The following CRAT variants were observed in gnomAD, a reference collection of about 807,000 sequenced individuals.
CRAT encodes carnitine O-acetyltransferase, also known as carnitine acetylase.
In CRAT, 66 loss-of-function variants were observed where a neutral mutation model predicts 73.7. The observed-to-expected ratio is 0.90, with a 90% CI of 0.73 to 1.10. The LOEUF is 1.10. Among genes scored for constraint, CRAT ranks in the 50% least tolerant of loss-of-function variants. CRAT has a pLI of 0.00. For synonymous variants in CRAT, 321 were observed against 343.2 expected, an observed-to-expected ratio of 0.94 and a Z score of 0.71; for missense variants, 745 against 846.9, an observed-to-expected ratio of 0.88 and a Z score of 1.49.
chr9:129,100,157 G>A (rs183632027), intron 7 of CRAT, 191 bp from the exon 8 acceptor site: 7 of 588,214 alleles, frequency 1.2e-5, no homozygotes, highest in East Asian at 8.4e-5. Context: ...CACGCTCAGC[G>A]TGCCTGACTG....
chr9:129,109,343 G>A, intron 1 of CRAT: 2 of 1,194,544 alleles, frequency 1.7e-6, no homozygotes, highest in South Asian at 2.5e-5. Flanking sequence ...GGGACAGCCA[G>A]AAGCCCTGCC....
At chr9:129,108,418 G>A in intron 1 of CRAT, 2 of 1,173,524 alleles carry the variant, frequency 1.7e-6, no homozygotes, top group African/African-American at 3.2e-5. Context: ...CCTGGAAGAG[G>A]AGCCAGCCAG....
chr9:129,097,650 A>C (rs937888558), intron 11 of CRAT, among the ~76,000 whole-genome samples: 2 of 151,944 alleles, frequency 1.3e-5, no homozygotes, highest in African/African-American at 4.8e-5. Context: ...TGGAGGTTGC[A>C]GTGAGTCGAG....
chr9:129,097,318 G>C lies in CRAT; in HGVS notation c.1465-6C>G, dbSNP rs1847344926. On this transcript the variant is annotated splice_polypyrimidine_tract_variant and splice_region_variant and intron_variant, in intron 11 of 13. Transcript: ENST00000318080. ...AGCTCCACCTTCTGGTGCTCCTAGA[G>C]TGGTGAGGGTCAGAGGGAGCTGAAG... 1 of 1,563,658 alleles carries C rather than the reference G, an allele frequency of 6.4e-7. No individual in the cohort carries two copies. The highest frequency in any genetic ancestry group is 1.3e-5 in the African/African-American group (1 of 74,250).
intron 4 of CRAT, 113 bp downstream of exon 4, chr9:129,102,900 G>T: frequency 2.0e-6 from 2 of 996,426 alleles, no homozygotes; most frequent in Non-Finnish European, 3.2e-6. Context: ...AGCAGCTGGA[G>T]CAGGGCCCAG....
At chr9:129,098,219 C>T in intron 10 of CRAT, 30 bp downstream of exon 10, 1 of 1,613,246 alleles carries the variant, frequency 6.2e-7, no homozygotes, top group Non-Finnish European at 8.5e-7. Flanking sequence ...GGTCTCCTCC[C>T]TCCTCCATGG....
At chr9:129,102,606 G>C in intron 4 of CRAT, 41 bp from the exon 5 acceptor site, 1 of 1,607,566 alleles carries the variant, frequency 6.2e-7, no homozygotes. Context: ...CTGGGCAAGT[G>C]AATGGGGAGG....
Position 129,098,094 on chromosome 9 carries a change from G to A in CRAT, c.1383C>T (p.His461=). The change falls in exon 11 of 14, where the codon CAC becomes CAT. Residue 461 remains histidine, a synonymous_variant. Transcript: ENST00000318080. ...AGCGGATGGTGTCGGTGCGGCCCAG[G>A]TGAAACATGCGCAGGGAGGCACTTT... is the stretch of plus-strand genomic sequence containing the variant. ...TYESASLRMF[H]LGRTDTIRSA... The A allele has an allele frequency of 1.2e-6, 2 of 1,614,054 alleles. No individual in the cohort carries two copies. The highest frequency in any genetic ancestry group is 1.6e-4 in the Middle Eastern group (1 of 6,062).
chr9:129,097,155 T>G, intron 12 of CRAT, 95 bp downstream of exon 12: 2 of 1,104,758 alleles, frequency 1.8e-6, no homozygotes, highest in Non-Finnish European at 2.6e-6. Context: ...TAGCAAAGGG[T>G]TGGCAGCCAT....
intron 2 of CRAT, 87 bp from the exon 3 acceptor site, chr9:129,104,393 C>T: frequency 9.9e-7 from 1 of 1,006,152 alleles, no homozygotes; most frequent in African/African-American, 1.6e-5. Context: ...GGCTGGCCCC[C>T]ATGCCCTCTA....
chr9:129,106,683 C>T lies in CRAT; in HGVS notation c.291+1131G>A, dbSNP rs1204129904. The stretch of plus-strand genomic sequence containing the variant: ...CCTGACGCGTCTCAGCAAATGTTGA[C>T]AACTCCCACCTCCTGTGTGCAGCCC... On this transcript the variant is annotated intron_variant, in intron 2 of 13. Transcript: ENST00000318080. This position sits in a 1 kb window ranked among gnomAD's most constrained non-coding sequence, Gnocchi z 4.0. Among the ~76,000 whole-genome samples the T allele has an allele frequency of 6.6e-6, 1 of 152,188 alleles. No homozygotes were observed. Among genetic ancestry groups the T allele is most frequent in the Non-Finnish European group, 1.5e-5 (1 of 68,026 alleles).
chr9:129,096,247 A>C, intron 12 of CRAT, 112 bp from the exon 13 acceptor site: 1 of 1,350,514 alleles, frequency 7.4e-7, no homozygotes, highest in Non-Finnish European at 1.0e-6. Context: ...ACTCAAAACC[A>C]CAAGACCAGA....
chr9:129,109,454 G>T lies in CRAT; in HGVS notation c.27+1029C>A, dbSNP rs1848242537. On this transcript the variant is annotated intron_variant, in intron 1 of 13. Coordinates refer to ENST00000318080, the MANE Select transcript of CRAT (RefSeq NM_000755.5). ...TGTGGCTCATTCAGCTAGGGTCCAA[G>T]AGCGGAGGACTTTTGGTATGAAAAA... is the stretch of plus-strand genomic sequence containing the variant. Among the ~76,000 whole-genome samples the T allele has an allele frequency of 2.0e-5, 3 of 152,340 alleles. No individual in the cohort carries two copies. In the South Asian group the frequency reaches 6.2e-4, roughly 32 times the overall value.
rs1273741648 is a variant in CRAT, at chr9:129,102,383, G to A, written c.630+17C>T. On this transcript the variant is annotated intron_variant, in intron 5 of 13. Coordinates refer to ENST00000318080, the MANE Select transcript of CRAT (RefSeq NM_000755.5). ...CAGCAGGGCCGGGGCTTGTAGGTGT[G>A]GGTGGGGGCCACCCACCTGGTAGTT... is the stretch of plus-strand genomic sequence containing the variant. 1 of 1,613,852 alleles carries A rather than the reference G, an allele frequency of 6.2e-7. No individual in the cohort carries two copies. The highest frequency in any genetic ancestry group is 8.5e-7 in the Non-Finnish European group (1 of 1,179,880).
At chr9:129,101,203 T>C (rs137910426) in intron 6 of CRAT, among the ~76,000 whole-genome samples, 2 of 152,318 alleles carry the variant, frequency 1.3e-5, no homozygotes, top group Admixed American at 6.5e-5. Context: ...GGGGCCCACA[T>C]TGCCTGCTCC....
chr9:129,100,831 G>A (rs1291543613), intron 6 of CRAT, 142 bp from the exon 7 acceptor site: 9 of 969,536 alleles, frequency 9.3e-6, no homozygotes, highest in South Asian at 3.5e-5. Flanking sequence ...CCACCTCGCC[G>A]GCCCTCCAGG....
Position 129,102,495 on chromosome 9 carries a change from AG to A in CRAT, c.534del (p.Ser179ProfsTer93). ...LCMNQYYQIL[S>X]SCRVPGPKQD... ...TGCTTGGGGCCCGGCACTCGGCAGGAGGACAAGATCTGATAGTACTGGTTCA... is the reference window on the plus strand; with the variant it reads ...TGCTTGGGGCCCGGCACTCGGCAGGAGACAAGATCTGATAGTACTGGTTCA... On this transcript the variant is annotated frameshift_variant, in exon 5 of 14. Transcript: ENST00000318080. LOFTEE classifies it high-confidence loss of function. The A allele has an allele frequency of 6.2e-7, 1 of 1,614,124 alleles. No homozygotes were observed. Among genetic ancestry groups the A allele is most frequent in the Non-Finnish European group, 8.5e-7 (1 of 1,180,004 alleles).
chr9:129,109,178 C>T (rs974095209), intron 1 of CRAT: 1 of 1,304,180 alleles, frequency 7.7e-7, no homozygotes, highest in Non-Finnish European at 1.0e-6. Flanking sequence ...AAAAAATCCA[C>T]CTGTCAGAAT....
chr9:129,095,938 A>C (rs1588439358), intron 13 of CRAT, 60 bp downstream of exon 13: 13 of 1,608,698 alleles, frequency 8.1e-6, no homozygotes, highest in Non-Finnish European at 1.1e-5. Context: ...TGTAGGCCAC[A>C]TCAAACTACC....
Sources: allele counts gnomAD v4.1 joint callset (sites outside exome capture counted in the v4.1 genomes callset), GRCh38; gene constraint gnomAD v4.1.1; non-coding constraint Gnocchi (gnomAD v3.1); transcripts MANE v1.5; gene names NCBI Gene and HGNC (gene_info 2026-07-23, HGNC 2026-07-21).